LDB3: variants seen among roughly 807,000 people sequenced by gnomAD.
LDB3 encodes the protein LIM domain binding 3.
In LDB3, 49 loss-of-function variants were observed where a neutral mutation model predicts 69.0. The ratio of observed to expected loss-of-function variants is 0.71; its 90% CI spans 0.56 to 0.90. The LOEUF (loss-of-function observed/expected upper bound fraction) is 0.90, where lower values mean the gene tolerates loss of function less well. LDB3 is among the 40% of genes least tolerant of loss of function. The probability of loss-of-function intolerance (pLI) is 0.00; values close to 1 mark genes in which losing one functional copy is unlikely to be tolerated. For missense variants in LDB3, 928 were observed against 974.1 expected, an observed-to-expected ratio of 0.95 and a Z score of 0.63; for synonymous variants, 387 against 396.2, an observed-to-expected ratio of 0.98 and a Z score of 0.28.
chr10:86,726,099 C>G (rs1264099999), intron 12 of LDB3, 38 bp from the exon 13 acceptor site: 6 of 1,483,698 alleles, frequency 4.0e-6, no homozygotes, highest in Non-Finnish European at 5.6e-6. Flanking sequence ...CCGCTGCCCC[C>G]ACTGGGTGCG....
chr10:86,671,152 G>A lies in LDB3; in HGVS notation c.93+2368G>A, dbSNP rs143637564. Among the ~76,000 whole-genome samples, 759 of 152,326 alleles carry A rather than the reference G, an allele frequency of 5.0e-3. 3 individuals carry two copies. Among genetic ancestry groups the A allele is most frequent in the Non-Finnish European group, 8.2e-3 (556 of 68,018 alleles). ...TGGGCAGGCAGGCGAGGCTGGGATC[G>A]TTACCTCGCTTCAGAGCCTGGCAAA... On this transcript the variant is annotated intron_variant, in intron 2 of 13. Transcript: ENST00000361373.
chr10:86,698,044 C>T (rs888485426), intron 7 of LDB3, among the ~76,000 whole-genome samples: 2 of 152,150 alleles, frequency 1.3e-5, no homozygotes, highest in Non-Finnish European at 2.9e-5. Flanking sequence ...ACCCAGGATG[C>T]CCCATGCCGC....
Position 86,681,471 on chromosome 10 carries a change from A to ACCCAGC in LDB3, c.366_371dup (p.Ser123_Pro124dup). 6.2e-7 allele frequency: 1 copy of ACCCAGC among 1,606,916 alleles called. No homozygotes were observed. Among genetic ancestry groups the ACCCAGC allele is most frequent in the African/African-American group, 1.3e-5 (1 of 74,998 alleles). On this transcript the variant is annotated inframe_insertion, in exon 5 of 14. Transcript: ENST00000361373. ...TGGACACGAACGGCAGCCTGGTGGC[A>ACCCAGC]CCCAGCCCCAGCCCTGAGGCGAGGG...
chr10:86,673,965 T>C (rs550078182), intron 2 of LDB3, among the ~76,000 whole-genome samples: 3 of 152,302 alleles, frequency 2.0e-5, no homozygotes, highest in Non-Finnish European at 2.9e-5. Context: ...TGGTGCCTTC[T>C]TTCCCCTGGG....
chr10:86,699,217 C>T lies in LDB3; in HGVS notation c.896+6646C>T. The T allele has an allele frequency of 6.3e-7, 1 of 1,577,784 alleles. No individual in the cohort carries two copies. The highest frequency in any genetic ancestry group is 8.6e-7 in the Non-Finnish European group (1 of 1,160,048). On this transcript the variant is annotated intron_variant, in intron 7 of 13. Transcript: ENST00000361373. This position sits in a 1 kb window ranked among gnomAD's most constrained non-coding sequence, Gnocchi z 4.9. ...CCCTTTCATTCTCCCTCTCTTCTCT[C>T]TCTTTCTGTCTCTGTCTCTGTTTCT...
At chr10:86,672,688 G>T (rs1424161154) in intron 2 of LDB3, among the ~76,000 whole-genome samples, 2 of 152,244 alleles carry the variant, frequency 1.3e-5, no homozygotes, top group African/African-American at 4.8e-5. Flanking sequence ...GCTGGGGAAT[G>T]CATTCTTAGA....
chr10:86,709,966 A>G lies in LDB3; in HGVS notation c.1147A>G (p.Ser383Gly), dbSNP rs752615115. ...AASSAPATHT[S>G]YSEGPAAPAP... ...CTCTTCAGCACCTGCCACCCACACCAGCTACAGTGAGGGCCCCGCCGCCCC... is the reference window on the plus strand; with the variant it reads ...CTCTTCAGCACCTGCCACCCACACCGGCTACAGTGAGGGCCCCGCCGCCCC... Residue 383 changes from serine to glycine, a missense_variant, in exon 9 of 14, where the codon AGC (serine) becomes GGC (glycine). Physicochemically the swap from Ser to Gly is moderately conservative, Grantham distance 56 (BLOSUM62 0). Coordinates refer to ENST00000361373, the MANE Select transcript of LDB3 (RefSeq NM_007078.3). 11 of 1,612,972 alleles carry G rather than the reference A, an allele frequency of 6.8e-6. 1 individual carries two copies. Among genetic ancestry groups the G allele is most frequent in the Middle Eastern group, 1.7e-4 (1 of 6,056 alleles).
chr10:86,704,577 ATT>A (rs59411676), intron 7 of LDB3, among the ~76,000 whole-genome samples: 14 of 111,520 alleles, frequency 1.3e-4, no homozygotes, highest in Non-Finnish European at 1.1e-4. Context: ...GCCCAGCTAA[ATT>A]TTTTTTTTTT....
chr10:86,709,865 GC>G (rs1564653558), intron 8 of LDB3, 39 bp from the exon 9 acceptor site: 1 of 1,602,312 alleles, frequency 6.2e-7, no homozygotes, highest in Non-Finnish European at 8.5e-7. Context: ...CCCAGTGGGG[GC>G]TGTCCTTCTG....
At chr10:86,700,237 C>A (rs2132444570) in intron 7 of LDB3, among the ~76,000 whole-genome samples, 2 of 152,272 alleles carry the variant, frequency 1.3e-5, no homozygotes, top group East Asian at 3.9e-4. Flanking sequence ...CCAGCTGCAA[C>A]CCACGGCGGG....
chr10:86,701,262 C>T (rs886661914), intron 7 of LDB3, among the ~76,000 whole-genome samples: 1 of 152,176 alleles, frequency 6.6e-6, no homozygotes, highest in African/African-American at 2.4e-5. Flanking sequence ...GGGTTGGGGG[C>T]AGGGGTCTGC....
Position 86,734,840 on chromosome 10 carries a change from G to C in LDB3, c.*1864G>C, listed in dbSNP as rs1355792916. ...ATCTGCTGGGACTGCCTGGAGATTT[G>C]TCAGGAGCTGCAGACAAGTACCTTG... On this transcript the variant is annotated 3_prime_UTR_variant, in exon 14 of 14. Transcript: ENST00000361373. 2 of 152,212 alleles carry C rather than the reference G, an allele frequency of 1.3e-5. No homozygotes were observed. The highest frequency in any genetic ancestry group is 2.9e-5 in the Non-Finnish European group (2 of 68,072). The allele number at this position is 152,212 out of a possible 1,614,324, so 9.4% of individuals were successfully genotyped here. A position where few individuals can be genotyped will look rare whatever the true frequency, so the allele number is the denominator to read the frequency against.
In LDB3 at chr10:86,668,547, GC is replaced by G. The variant is rs1844272840; in HGVS notation, c.-46del. 1.4e-6 allele frequency: 1 copy of G among 737,886 alleles called. No homozygotes were observed. Among genetic ancestry groups the G allele is most frequent in the South Asian group, 1.4e-5 (1 of 69,906 alleles). 45.7% of individuals were successfully genotyped at this position (737,886 alleles called of 1,614,324 possible). Reference sequence around the variant, plus strand: ...CCTCTCAAGAGCTCCACGCAGCCCGGCTGGGCAGCAAGGGACAGAACAGGCA... The same window carrying G: ...CCTCTCAAGAGCTCCACGCAGCCCGGTGGGCAGCAAGGGACAGAACAGGCA... On this transcript the variant is annotated 5_prime_UTR_variant, in exon 1 of 14. Coordinates refer to ENST00000361373, the MANE Select transcript of LDB3 (RefSeq NM_007078.3).
chr10:86,718,825 C>T lies in LDB3; in HGVS notation c.1956C>T (p.Asp652=), dbSNP rs139213290. 8.2e-5 allele frequency: 133 copies of T among 1,614,086 alleles called. No homozygotes were observed. Among genetic ancestry groups the T allele is most frequent in the Middle Eastern group, 6.6e-4 (4 of 6,062 alleles). The part of the protein sequence containing the change: ...PFGNSLFHME[D]GEPYCEKDYI... ...GGAACAGCCTCTTCCACATGGAAGA[C>T]GGGGAGCCCTACTGCGAGAAAGGTA... Residue 652 remains aspartate (D), a synonymous_variant, in exon 12 of 14, where the codon GAC becomes GAT. Coordinates refer to ENST00000361373, the MANE Select transcript of LDB3 (RefSeq NM_007078.3).
chr10:86,716,653 G>C lies in LDB3; in HGVS notation c.1558G>C (p.Ala520Pro), dbSNP rs890074416. 3 of 1,613,962 alleles carry C rather than the reference G, an allele frequency of 1.9e-6. No individual in the cohort carries two copies. Among genetic ancestry groups the C allele is most frequent in the Non-Finnish European group, 2.5e-6 (3 of 1,179,982 alleles). ...GCAGACCCTGCCCCGGGGAGGCCCA[G>C]CCTACACCCCAGCGGGTCCTCAGGT... ...SKQTLPRGGP[A>P]YTPAGPQVPP... The change falls in exon 10 of 14, where the codon GCC (alanine) becomes CCC (proline). Residue 520 changes from alanine to proline, a missense_variant. By Grantham distance (27) the Ala-to-Pro change is conservative. Coordinates refer to ENST00000361373, the MANE Select transcript of LDB3 (RefSeq NM_007078.3).
intron 12 of LDB3, 21 bp from the exon 13 acceptor site, chr10:86,726,098 CCACTGGGTGCGGGGTCTT>C: frequency 6.7e-7 from 1 of 1,488,456 alleles, no homozygotes; most frequent in South Asian, 1.1e-5. Context: ...CCCGCTGCCC[CCACTGGGTGCGGGGTCTT>C]CACTCTGCTT....
At chr10:86,683,987 A>C (rs377712659) in intron 5 of LDB3, among the ~76,000 whole-genome samples, 1 of 152,246 alleles carries the variant, frequency 6.6e-6, no homozygotes, top group African/African-American at 2.4e-5. Flanking sequence ...AGGAAGAGGC[A>C]GGGTCACAAC....
At chr10:86,685,671 T>TC in intron 5 of LDB3, 2 of 1,614,040 alleles carry the variant, frequency 1.2e-6, no homozygotes, top group Non-Finnish European at 1.7e-6. Flanking sequence ...GCCCTTTTCC[T>TC]CCCCAGGTGG....
At position 86,699,250 on chromosome 10, in the gene LDB3, T is replaced by G. The variant is rs758874410; in HGVS notation, c.896+6679T>G. On this transcript the variant is annotated intron_variant, in intron 7 of 13. Coordinates refer to ENST00000361373, the MANE Select transcript of LDB3 (RefSeq NM_007078.3). The surrounding 1 kb of genome is among the most constrained non-coding windows in gnomAD (Gnocchi z 4.9). ...GTCTCTGTCTCTGTTTCTCTCTCTC[T>G]CTCTCTCTCTCTCTCTCTGTGCCAC... is the stretch of plus-strand genomic sequence containing the variant. 9.7e-6 allele frequency: 15 copies of G among 1,541,958 alleles called. No homozygotes were observed. The highest frequency in any genetic ancestry group is 1.7e-4 in the Middle Eastern group (1 of 5,790).
Sources: gnomAD v4.1 joint callset for allele counts (sites outside exome capture counted in the v4.1 genomes callset) on GRCh38, gnomAD v4.1.1 for gene constraint, Gnocchi (gnomAD v3.1) non-coding constraint, MANE v1.5 for transcripts, NCBI Gene and HGNC (gene_info 2026-07-23, HGNC 2026-07-21) for gene names.